The following NUMA1 variants were observed in gnomAD, a reference collection of about 807,000 sequenced individuals.
The protein encoded by NUMA1 is SP-H antigen.
In NUMA1, 62 loss-of-function variants were observed where a neutral mutation model predicts 237.1. That is an observed-to-expected ratio of 0.26 (90% CI 0.21 to 0.32). NUMA1 has a LOEUF of 0.32. Among genes scored for constraint, NUMA1 ranks in the 10% least tolerant of loss-of-function variants. The probability of loss-of-function intolerance (pLI) is 1.00; values close to 1 mark genes in which losing one functional copy is unlikely to be tolerated. For missense variants in NUMA1, 2,533 were observed against 2,666.5 expected (o/e 0.95, Z 1.10); for synonymous variants, 1,028 against 1,066.1 (o/e 0.96, Z 0.70).
intron 6 of NUMA1, 127 bp downstream of exon 6, chr11:72,022,938 C>T (rs775328576): frequency 5.9e-6 from 4 of 674,098 alleles, no homozygotes; most frequent in South Asian, 3.6e-5. Context: ...CTACCTCCAA[C>T]GTACTAGAGC....
intron 1 of NUMA1, among the ~76,000 whole-genome samples, chr11:72,071,932 C>T (rs998500572): frequency 2.6e-5 from 4 of 152,122 alleles, no homozygotes; most frequent in African/African-American, 9.7e-5. Context: ...ATATACTCAG[C>T]TCTGTGACAG....
At position 72,005,282 on chromosome 11, in the gene NUMA1, T is replaced by C; in HGVS notation, c.5780A>G (p.Asn1927Ser). ...WNRIAELQQR[N>S]RVCPPHLKTC... The stretch of plus-strand genomic sequence containing the variant: ...CTTCAGATGTGGGGGGCACACTCGA[T>C]TGCGCTGCTGCAGCTCTGCAATGCG... Residue 1927 changes from asparagine (N) to serine (S), a missense_variant, in exon 23 of 27, where the codon AAT (asparagine) becomes AGT (serine). Physicochemically the swap from Asn to Ser is conservative, Grantham distance 46 (BLOSUM62 1). Coordinates refer to ENST00000393695, the MANE Select transcript of NUMA1 (RefSeq NM_006185.4). 1.9e-6 allele frequency: 3 copies of C among 1,609,968 alleles called. No individual in the cohort carries two copies. Among genetic ancestry groups the C allele is most frequent in the Non-Finnish European group, 2.5e-6 (3 of 1,178,110 alleles).
At position 72,062,143 on chromosome 11, in the gene NUMA1, C is replaced by A. The variant is rs557952462; in HGVS notation, c.-33+7699G>T. 6.6e-5 allele frequency among the ~76,000 whole-genome samples: 10 copies of A among 152,218 alleles called. No individual in the cohort carries two copies. The East Asian group carries it at 1.9e-3, about 29-fold the overall frequency. ...AGTCATTTCTCCAGAGAATTTTAAG[C>A]CATTCAGTTCCTATACGGCAGGCAG... On this transcript the variant is annotated intron_variant, in intron 2 of 26. Coordinates refer to ENST00000393695, the MANE Select transcript of NUMA1 (RefSeq NM_006185.4).
At chr11:72,010,147 G>A (rs868833071) in intron 17 of NUMA1, among the ~76,000 whole-genome samples, 1 of 152,218 alleles carries the variant, frequency 6.6e-6, no homozygotes, top group Non-Finnish European at 1.5e-5. Context: ...AGGTGAGCAG[G>A]AGAAATGAAG....
At position 72,017,734 on chromosome 11, in the gene NUMA1, T is replaced by C; in HGVS notation, c.1072A>G (p.Lys358Glu). ...HSKATQEWLEKQAQLEKELSA... is the reference protein window; with the variant it reads ...HSKATQEWLEEQAQLEKELSA... ...AGCTCCTTCTCCAGCTGGGCCTGCTTCTCTAGCCACTCCTGAGTGGCCTTG... is the reference window on the plus strand; with the variant it reads ...AGCTCCTTCTCCAGCTGGGCCTGCTCCTCTAGCCACTCCTGAGTGGCCTTG... Residue 358 changes from lysine to glutamate, a missense_variant, in exon 13 of 27, where the codon AAG becomes GAG. Physicochemically the swap from Lys to Glu is moderately conservative, Grantham distance 56. Around this residue, in one of 3 missense-constraint regions of NUMA1, gnomAD observed 1,414 missense variants for 1,508.1 expected, o/e 0.94. Coordinates refer to ENST00000393695, the MANE Select transcript of NUMA1 (RefSeq NM_006185.4). 6.2e-7 allele frequency: 1 copy of C among 1,613,482 alleles called. No individual in the cohort carries two copies. The highest frequency in any genetic ancestry group is 8.5e-7 in the Non-Finnish European group (1 of 1,180,024).
At chr11:72,026,880 T>C (rs1290303881) in intron 4 of NUMA1, among the ~76,000 whole-genome samples, 2 of 152,220 alleles carry the variant, frequency 1.3e-5, no homozygotes, top group African/African-American at 4.8e-5. Context: ...CTGGTCTGCA[T>C]TGTCCTGGAT....
At chr11:72,031,772 C>A (rs190560138) in intron 3 of NUMA1, among the ~76,000 whole-genome samples, 1 of 152,034 alleles carries the variant, frequency 6.6e-6, no homozygotes, top group South Asian at 2.1e-4. Context: ...TATGATCACA[C>A]CACTGCACTC....
At chr11:72,004,615 A>AAC (rs1298972204) in intron 24 of NUMA1, 25 bp downstream of exon 24, 2 of 1,606,566 alleles carry the variant, frequency 1.2e-6, no homozygotes, top group East Asian at 4.5e-5. Context: ...GTGCTGGAGT[A>AAC]ACACCCAGGA....
At chr11:72,043,261 A>G (rs914496503) in intron 2 of NUMA1, among the ~76,000 whole-genome samples, 5 of 152,042 alleles carry the variant, frequency 3.3e-5, no homozygotes, top group African/African-American at 4.8e-5. Context: ...GCACTTTGAG[A>G]GGCCAGCCTG....
At chr11:72,016,600 A>C (rs535657831) in intron 13 of NUMA1, 70 bp from the exon 14 acceptor site, 3 of 1,529,872 alleles carry the variant, frequency 2.0e-6, no homozygotes, top group Non-Finnish European at 1.8e-6. Context: ...AAGCCCTCAT[A>C]AACATCAGCA....
At chr11:72,019,091 G>C (rs1213765008) in intron 9 of NUMA1, 111 bp from the exon 10 acceptor site, 7 of 1,214,412 alleles carry the variant, frequency 5.8e-6, no homozygotes, top group Admixed American at 4.5e-5. Flanking sequence ...TAGCAGCTGG[G>C]AGGCCTGTGC....
chr11:72,028,312 T>G (rs1482102832), intron 4 of NUMA1, among the ~76,000 whole-genome samples: 1 of 152,142 alleles, frequency 6.6e-6, no homozygotes, highest in Non-Finnish European at 1.5e-5. Flanking sequence ...CTGTTACCTA[T>G]GAACAGGTAG....
intron 2 of NUMA1, among the ~76,000 whole-genome samples, chr11:72,059,367 C>A (rs993452998): frequency 6.6e-6 from 1 of 152,178 alleles, no homozygotes; most frequent in Non-Finnish European, 1.5e-5. Flanking sequence ...ACCTCAACCA[C>A]CTGGGCTCAG....
intron 17 of NUMA1, among the ~76,000 whole-genome samples, chr11:72,010,283 A>G (rs1488886934): frequency 6.6e-6 from 1 of 152,230 alleles, no homozygotes; most frequent in Non-Finnish European, 1.5e-5. Context: ...CAAGTATTAA[A>G]CCAAAGAAGG....
chr11:72,003,544 A>G lies in NUMA1; in HGVS notation c.6337-6T>C. 6.2e-7 allele frequency: 1 copy of G among 1,614,182 alleles called. No homozygotes were observed. Among genetic ancestry groups the G allele is most frequent in the Non-Finnish European group, 8.5e-7 (1 of 1,180,008 alleles). On this transcript the variant is annotated splice_polypyrimidine_tract_variant and splice_region_variant and intron_variant, in intron 26 of 26. Transcript: ENST00000393695. ...CTGGCCCTTTAGTGCTTTGCCTGAA[A>G]GAGACACAGTCACATGGCCAGATGA...
At chr11:72,053,146 G>T (rs1942457352) in intron 2 of NUMA1, among the ~76,000 whole-genome samples, 1 of 152,110 alleles carries the variant, frequency 6.6e-6, no homozygotes, top group Non-Finnish European at 1.5e-5. Context: ...ACCACACCTG[G>T]CTATTTTATT....
rs1955479220 is a variant in NUMA1, at chr11:72,004,025, C to G, written c.6198G>C (p.Arg2066=). 1 of 1,613,498 alleles carries G rather than the reference C, an allele frequency of 6.2e-7. No individual in the cohort carries two copies. The highest frequency in any genetic ancestry group is 8.5e-7 in the Non-Finnish European group (1 of 1,179,708). Residue 2066 remains arginine (R), a synonymous_variant, in exon 26 of 27, where the codon CGG becomes CGC. Transcript: ENST00000393695. ...PKKLGNSLLR[R]GASKKALSKA... ...TGGACAGGGCCTTCTTTGAGGCTCC[C>G]CGCCGCAGAAGGCTGTTCCCTAGCT...
Position 72,013,831 on chromosome 11 carries a change from A to G in NUMA1, c.3672T>C (p.Asn1224=), listed in dbSNP as rs557114597. ...ARGRQEAERK[N]SLISSLEEEV... ...CCTCCTCCAAGCTGCTGATGAGGCT[A>G]TTTTTCCTCTCAGCCTCTTGCCGGC... The change falls in exon 15 of 27, where the codon AAT becomes AAC. Residue 1224 remains asparagine, a synonymous_variant. Coordinates refer to ENST00000393695, the MANE Select transcript of NUMA1 (RefSeq NM_006185.4). This position sits in a 1 kb window ranked among gnomAD's most constrained non-coding sequence, Gnocchi z 6.8. 9 of 1,612,254 alleles carry G rather than the reference A, an allele frequency of 5.6e-6. No individual in the cohort carries two copies. The African/African-American group carries it at 8.0e-5, about 14-fold the overall frequency.
At chr11:72,057,469 C>T (rs1461746041) in intron 2 of NUMA1, among the ~76,000 whole-genome samples, 1 of 152,110 alleles carries the variant, frequency 6.6e-6, no homozygotes, top group African/African-American at 2.4e-5. Context: ...TAAAGCTGGG[C>T]GAGGTGGCTC....
Sources: allele counts gnomAD v4.1 joint callset (sites outside exome capture counted in the v4.1 genomes callset), GRCh38; gene constraint gnomAD v4.1.1; regional missense constraint gnomAD v4.1.1; non-coding constraint Gnocchi (gnomAD v3.1); transcripts MANE v1.5; gene names NCBI Gene and HGNC (gene_info 2026-07-23, HGNC 2026-07-21).